Variants in CDH4 observed in about 807,000 individuals in gnomAD.
The protein encoded by CDH4 is cadherin-4.
A neutral mutation model predicts 86.0 loss-of-function variants in CDH4; 33 were observed. The observed-to-expected ratio is 0.38, with a 90% CI of 0.29 to 0.51. CDH4 has a LOEUF of 0.51. Ranked by LOEUF, CDH4 falls within the 20% of genes least tolerant of loss-of-function variation. The pLI is 0.86. For missense variants in CDH4, 1,114 were observed against 1,307.4 expected (o/e 0.85, Z 2.28); for synonymous variants, 555 against 549.4 (o/e 1.01, Z -0.14).
chr20:61,378,196 G>A (rs2145443040), intron 2 of CDH4, among the ~76,000 whole-genome samples: 1 of 152,328 alleles, frequency 6.6e-6, no homozygotes, highest in South Asian at 2.1e-4. Context: ...TGAGTCTGCA[G>A]TGAGCCATGA....
At chr20:61,604,913 G>A (rs557808997) in intron 2 of CDH4, among the ~76,000 whole-genome samples, 1 of 84,472 alleles carries the variant, frequency 1.2e-5, no homozygotes, top group Non-Finnish European at 3.0e-5. Context: ...GGCCTGGCCT[G>A]GAAGGACAGG....
chr20:61,763,920 T>C (rs772525714), intron 3 of CDH4, among the ~76,000 whole-genome samples: 1 of 152,244 alleles, frequency 6.6e-6, no homozygotes, highest in Non-Finnish European at 1.5e-5. Flanking sequence ...CACTGTTTTT[T>C]TCTTTTTCAA....
At chr20:61,766,250 A>G (rs1042247125) in intron 3 of CDH4, among the ~76,000 whole-genome samples, 3 of 151,896 alleles carry the variant, frequency 2.0e-5, no homozygotes, top group African/African-American at 7.3e-5. Flanking sequence ...AATTTGGACA[A>G]ATTCTTCCAC....
intron 2 of CDH4, among the ~76,000 whole-genome samples, chr20:61,460,086 C>A (rs572379486): frequency 4.6e-5 from 7 of 152,236 alleles, no homozygotes; most frequent in African/African-American, 1.7e-4. Context: ...TGGATATTAT[C>A]CCTTAGTAGA....
intron 2 of CDH4, among the ~76,000 whole-genome samples, chr20:61,629,748 C>T (rs1038334748): frequency 7.2e-5 from 11 of 152,166 alleles, no homozygotes; most frequent in African/African-American, 2.2e-4. Context: ...CTGTCCCACG[C>T]GGCTCCCTGC....
chr20:61,268,148 G>C (rs2084166492), intron 2 of CDH4, among the ~76,000 whole-genome samples: 1 of 152,264 alleles, frequency 6.6e-6, no homozygotes. Flanking sequence ...TGGGCAGCTG[G>C]AGAGCCAGTG....
intron 2 of CDH4, among the ~76,000 whole-genome samples, chr20:61,629,949 AC>A (rs2086868733): frequency 6.6e-6 from 1 of 152,120 alleles, no homozygotes; most frequent in Non-Finnish European, 1.5e-5. Flanking sequence ...GGGAGACATG[AC>A]CTGTGGCTCG....
intron 2 of CDH4, among the ~76,000 whole-genome samples, chr20:61,630,985 T>C (rs1036135063): frequency 1.3e-5 from 2 of 152,102 alleles, no homozygotes; most frequent in Non-Finnish European, 2.9e-5. Context: ...GAGGTGGGCG[T>C]GCCCCAGGAA....
intron 2 of CDH4, among the ~76,000 whole-genome samples, chr20:61,701,200 AG>A (rs1322181664): frequency 6.6e-6 from 1 of 152,214 alleles, no homozygotes; most frequent in Non-Finnish European, 1.5e-5. Context: ...CAGTTTTCTA[AG>A]AACAGCAGAC....
intron 2 of CDH4, among the ~76,000 whole-genome samples, chr20:61,610,726 T>C (rs2086678944): frequency 1.3e-5 from 2 of 152,176 alleles, no homozygotes; most frequent in Non-Finnish European, 1.5e-5. Context: ...TGTGATAGTG[T>C]CCGTGTTGAG....
intron 2 of CDH4, among the ~76,000 whole-genome samples, chr20:61,716,435 G>GGGGTGGACGCTCCTCAC (rs2087955667): frequency 6.7e-6 from 1 of 148,644 alleles, no homozygotes; most frequent in African/African-American, 2.6e-5. Context: ...CTTGCCCTGA[G>GGGGTGGACGCTCCTCAC]CTGGGGCTTT....
chr20:61,720,801 A>C (rs2088031963), intron 2 of CDH4, among the ~76,000 whole-genome samples: 1 of 152,078 alleles, frequency 6.6e-6, no homozygotes. Flanking sequence ...GTGTTCTCTC[A>C]TTGTACCATC....
intron 11 of CDH4, 97 bp from the exon 12 acceptor site, chr20:61,928,093 T>C: frequency 2.2e-6 from 2 of 908,236 alleles, no homozygotes; most frequent in South Asian, 2.7e-5. Context: ...CTGTGTATGT[T>C]GCACGTGGTT....
At chr20:61,420,553 C>T (rs2085171648) in intron 2 of CDH4, among the ~76,000 whole-genome samples, 1 of 152,228 alleles carries the variant, frequency 6.6e-6, no homozygotes, top group African/African-American at 2.4e-5. Flanking sequence ...GTGGCAGTGT[C>T]CAGTAAAGCT....
intron 2 of CDH4, among the ~76,000 whole-genome samples, chr20:61,649,967 G>T (rs1466988626): frequency 1.3e-5 from 2 of 152,210 alleles, no homozygotes; most frequent in Non-Finnish European, 2.9e-5. Flanking sequence ...TGCAGAGGAT[G>T]CCGGGCCTTC....
chr20:61,511,642 G>A (rs892921681), intron 2 of CDH4, among the ~76,000 whole-genome samples: 5 of 152,320 alleles, frequency 3.3e-5, no homozygotes, highest in African/African-American at 7.2e-5. Context: ...TGCATTAAGC[G>A]ACTTTGTGGC....
At chr20:61,884,575 C>T (rs889313213) in intron 7 of CDH4, among the ~76,000 whole-genome samples, 3 of 152,068 alleles carry the variant, frequency 2.0e-5, no homozygotes, top group African/African-American at 7.2e-5. Context: ...CCTGGGGGCA[C>T]CCAGCGAGGG....
chr20:61,517,839 T>C lies in CDH4; in HGVS notation c.170-225724T>C, dbSNP rs2145622224. ...TTCATCGTTTTAGCTGAGTTACCTC[T>C]TATTTCATTTATTCTCAGTTCCGTC... On this transcript the variant is annotated intron_variant, in intron 2 of 15. Coordinates refer to ENST00000614565, the MANE Select transcript of CDH4 (RefSeq NM_001794.5). The surrounding 1 kb of genome is among the most constrained non-coding windows in gnomAD (Gnocchi z 6.6). Among the ~76,000 whole-genome samples the C allele has an allele frequency of 6.6e-6, 1 of 152,318 alleles. No homozygotes were observed. Among genetic ancestry groups the C allele is most frequent in the Middle Eastern group, 3.4e-3 (1 of 294 alleles).
intron 4 of CDH4, among the ~76,000 whole-genome samples, chr20:61,797,536 A>G (rs1428952300): frequency 1.3e-5 from 2 of 152,220 alleles, no homozygotes; most frequent in Non-Finnish European, 2.9e-5. Flanking sequence ...TCATGTTGCA[A>G]TGCCAGTGCT....
Sources: allele counts gnomAD v4.1 joint callset (sites outside exome capture counted in the v4.1 genomes callset), GRCh38; gene constraint gnomAD v4.1.1; non-coding constraint Gnocchi (gnomAD v3.1); transcripts MANE v1.5; gene names NCBI Gene and HGNC (gene_info 2026-07-23, HGNC 2026-07-21).